The following TSEN2 variants were observed in gnomAD, a reference collection of about 807,000 sequenced individuals.
TSEN2 encodes the protein tRNA-splicing endonuclease subunit Sen2.
Under a neutral mutation model 59.2 loss-of-function variants are expected in TSEN2, and 54 were observed. The observed-to-expected ratio is 0.91, with a 90% CI of 0.73 to 1.14. The LOEUF is 1.14. Ranked by LOEUF, TSEN2 falls within the 50% of genes most tolerant of loss-of-function variation. The pLI is 0.00. For missense variants in TSEN2, 636 were observed against 576.2 expected, an observed-to-expected ratio of 1.10 and a Z score of -1.06; for synonymous variants, 195 against 198.2, an observed-to-expected ratio of 0.98 and a Z score of 0.14.
intron 8 of TSEN2, among the ~76,000 whole-genome samples, chr3:12,520,199 C>G (rs6769603): frequency 9.9e-4 from 151 of 152,208 alleles, no homozygotes; most frequent in Non-Finnish European, 1.7e-3. Flanking sequence ...AAGGTTTCCC[C>G]GTGCCAGCCA....
At chr3:12,485,184 G>A (rs552036382) in intron 1 of TSEN2, among the ~76,000 whole-genome samples, 49 of 152,294 alleles carry the variant, frequency 3.2e-4, no homozygotes, top group African/African-American at 1.1e-3. Context: ...TGTTTTGGTT[G>A]GGAGAAGGTG....
chr3:12,494,532 C>CT (rs1243858462), intron 3 of TSEN2, among the ~76,000 whole-genome samples: 1 of 152,018 alleles, frequency 6.6e-6, no homozygotes, highest in Admixed American at 6.6e-5. Flanking sequence ...GGGTGAGTAG[C>CT]TGGGATTACA....
intron 8 of TSEN2, 145 bp from the exon 9 acceptor site, chr3:12,528,743 G>A: frequency 1.3e-6 from 1 of 796,452 alleles, no homozygotes; most frequent in Non-Finnish European, 2.1e-6. Context: ...CAGGCATATT[G>A]CAGATGATCT....
intron 6 of TSEN2, among the ~76,000 whole-genome samples, 157 bp from the exon 7 acceptor site, chr3:12,516,454 G>C (rs879349762): frequency 8.5e-6 from 1 of 117,520 alleles, no homozygotes; most frequent in East Asian, 2.2e-4. Flanking sequence ...ATATGTGTGT[G>C]TGTGTGTGTG....
intron 8 of TSEN2, among the ~76,000 whole-genome samples, chr3:12,523,800 A>G (rs2056864028): frequency 6.6e-6 from 1 of 151,922 alleles, no homozygotes; most frequent in Non-Finnish European, 1.5e-5. Flanking sequence ...TCGGCCTCCC[A>G]AAGTGCTGGA....
intron 6 of TSEN2, among the ~76,000 whole-genome samples, chr3:12,506,076 T>G (rs1341502982): frequency 6.6e-6 from 1 of 152,162 alleles, no homozygotes; most frequent in Non-Finnish European, 1.5e-5. Context: ...GGCTGAATAT[T>G]TTGTTACTAA....
chr3:12,499,223 G>C (rs1010406585), intron 4 of TSEN2, among the ~76,000 whole-genome samples: 5 of 152,160 alleles, frequency 3.3e-5, no homozygotes, highest in African/African-American at 9.7e-5. Context: ...GATGCCTTTG[G>C]GGAACTGACA....
intron 1 of TSEN2, among the ~76,000 whole-genome samples, chr3:12,488,626 G>C (rs1279076159): frequency 6.6e-6 from 1 of 152,182 alleles, no homozygotes; most frequent in Non-Finnish European, 1.5e-5. Flanking sequence ...TTCCAGCTAT[G>C]TTATATACTT....
chr3:12,525,160 C>G (rs1041620778), intron 8 of TSEN2, among the ~76,000 whole-genome samples: 1 of 152,144 alleles, frequency 6.6e-6, no homozygotes, highest in South Asian at 2.1e-4. Context: ...TCCTGATGAT[C>G]AGACTCAAGC....
intron 4 of TSEN2, among the ~76,000 whole-genome samples, chr3:12,498,987 T>C (rs1241653548): frequency 6.6e-6 from 1 of 152,188 alleles, no homozygotes; most frequent in African/African-American, 2.4e-5. Context: ...CTTGGGCTCC[T>C]GGGCTCAAGT....
upstream of TSEN2, among the ~76,000 whole-genome samples, chr3:12,482,234 G>C (rs2052201510): frequency 6.6e-6 from 1 of 152,134 alleles, no homozygotes; most frequent in Admixed American, 6.5e-5. Context: ...CAATTCTCTT[G>C]CCTCAGCCTC....
intron 1 of TSEN2, among the ~76,000 whole-genome samples, chr3:12,486,209 A>G (rs1185256134): frequency 6.6e-6 from 1 of 152,164 alleles, no homozygotes; most frequent in Non-Finnish European, 1.5e-5. Context: ...TACCTATGAC[A>G]GTTTCCTCTT....
chr3:12,535,547 G>T (rs2057655707), downstream of TSEN2, among the ~76,000 whole-genome samples: 1 of 151,988 alleles, frequency 6.6e-6, no homozygotes, highest in Non-Finnish European at 1.5e-5. Context: ...TTGTGTGTGT[G>T]TGAGATGGAG....
chr3:12,505,109 A>G (rs1346833222), intron 5 of TSEN2, 45 bp from the exon 6 acceptor site: 5 of 1,073,488 alleles, frequency 4.7e-6, no homozygotes, highest in East Asian at 2.4e-5. Context: ...TATGACATGT[A>G]GTGCTTCCAT....
chr3:12,525,224 G>A (rs1395658502), intron 8 of TSEN2, among the ~76,000 whole-genome samples: 1 of 152,102 alleles, frequency 6.6e-6, no homozygotes, highest in East Asian at 1.9e-4. Flanking sequence ...AGTGTGTCAG[G>A]AAGTGCATGA....
chr3:12,508,768 T>C (rs1315320746), intron 6 of TSEN2, among the ~76,000 whole-genome samples: 1 of 152,252 alleles, frequency 6.6e-6, no homozygotes, highest in Non-Finnish European at 1.5e-5. Flanking sequence ...TCTGAGTAGT[T>C]ATTTCTGAAG....
chr3:12,498,331 A>G (rs1373979757), intron 4 of TSEN2, among the ~76,000 whole-genome samples: 1 of 152,200 alleles, frequency 6.6e-6, no homozygotes, highest in Admixed American at 6.5e-5. Flanking sequence ...AGTGAAAGCG[A>G]TAAACTATTC....
Position 12,494,230 on chromosome 3 carries a change from C to T in TSEN2, c.271+2013C>T, listed in dbSNP as rs143344706. 5.3e-3 allele frequency among the ~76,000 whole-genome samples: 741 copies of T among 140,042 alleles called. 4 individuals are homozygous for T. Among genetic ancestry groups the T allele is most frequent in the Non-Finnish European group, 8.8e-3 (569 of 64,638 alleles). The allele number at this position is 140,042 out of a possible 152,430, so 91.9% of individuals were successfully genotyped here. A position where few individuals can be genotyped will look rare whatever the true frequency, so the allele number is the denominator to read the frequency against. ...TCAGGAGAGGACCTGTGGAATAATCCATATTTATATAATTAATCCATATAA... is the reference window on the plus strand; with the variant it reads ...TCAGGAGAGGACCTGTGGAATAATCTATATTTATATAATTAATCCATATAA... On this transcript the variant is annotated intron_variant, in intron 3 of 11. Transcript: ENST00000284995.
intron 1 of TSEN2, among the ~76,000 whole-genome samples, chr3:12,488,553 T>C (rs1394482297): frequency 6.6e-6 from 1 of 152,260 alleles, no homozygotes; most frequent in Non-Finnish European, 1.5e-5. Context: ...TCACATTTAC[T>C]TCCCTCCTTT....
Sources: gnomAD v4.1 joint callset for allele counts (sites outside exome capture counted in the v4.1 genomes callset) on GRCh38, gnomAD v4.1.1 for gene constraint, MANE v1.5 for transcripts, NCBI Gene and HGNC (gene_info 2026-07-23, HGNC 2026-07-21) for gene names.